Variants in PDE11A observed in about 807,000 individuals in gnomAD.
PDE11A encodes the protein phosphodiesterase 11A, also known as dual 3',5'-cyclic-AMP and -GMP phosphodiesterase 11A.
A neutral mutation model predicts 100.5 loss-of-function variants in PDE11A; 100 were observed. The observed-to-expected ratio is 1.00, with a 90% CI of 0.85 to 1.18. The LOEUF (loss-of-function observed/expected upper bound fraction) is 1.18. PDE11A is among the 50% of genes most tolerant of loss of function. The probability of loss-of-function intolerance (pLI) is 0.00; values close to 1 mark genes in which losing one functional copy is unlikely to be tolerated. For missense variants in PDE11A, 1,141 were observed against 1,152.6 expected (o/e 0.99, Z 0.15); for synonymous variants, 381 against 420.8 (o/e 0.91, Z 1.16).
At chr2:178,038,673 A>AT (rs1236217629) in intron 1 of PDE11A, among the ~76,000 whole-genome samples, 1 of 152,148 alleles carries the variant, frequency 6.6e-6, no homozygotes, top group East Asian at 1.9e-4. Context: ...GAACATTTGC[A>AT]TGGTCTATAC....
intron 1 of PDE11A, among the ~76,000 whole-genome samples, chr2:178,025,213 T>C (rs2086464007): frequency 6.6e-6 from 1 of 152,220 alleles, no homozygotes; most frequent in Admixed American, 6.5e-5. Flanking sequence ...AGCTTCACTC[T>C]TTTATGGACC....
chr2:177,877,608 A>T (rs1293783450), intron 4 of PDE11A, among the ~76,000 whole-genome samples: 1 of 152,164 alleles, frequency 6.6e-6, no homozygotes, highest in East Asian at 1.9e-4. Context: ...TCTGGTTAAT[A>T]AAATTTCAGG....
chr2:177,674,126 A>C (rs1047705552), intron 17 of PDE11A, among the ~76,000 whole-genome samples: 1 of 152,216 alleles, frequency 6.6e-6, no homozygotes, highest in African/African-American at 2.4e-5. Context: ...GCTAAGAATG[A>C]AAGCTTTGGA....
At chr2:177,908,994 C>T (rs995043434) in intron 2 of PDE11A, among the ~76,000 whole-genome samples, 2 of 152,050 alleles carry the variant, frequency 1.3e-5, no homozygotes, top group African/African-American at 4.8e-5. Flanking sequence ...CCACTGTGTC[C>T]GACAAAGCAC....
At chr2:178,068,587 A>C (rs901636919) in intron 1 of PDE11A, among the ~76,000 whole-genome samples, 1 of 152,198 alleles carries the variant, frequency 6.6e-6, no homozygotes, top group Non-Finnish European at 1.5e-5. Context: ...ACACCTTAAA[A>C]ATATAGTAGT....
At chr2:177,686,662 G>T (rs1357413847) in intron 15 of PDE11A, 1 of 148,496 alleles carries the variant, frequency 6.7e-6, no homozygotes, top group Admixed American at 6.7e-5. Flanking sequence ...AATAGCCAAA[G>T]AGATATTTTA....
intron 2 of PDE11A, among the ~76,000 whole-genome samples, chr2:178,089,188 A>C (rs901323575): frequency 2.0e-5 from 3 of 152,216 alleles, no homozygotes; most frequent in Non-Finnish European, 4.4e-5. Context: ...GGACAGTTAA[A>C]TGATCAGGGG....
chr2:178,105,738 T>C (rs2087610203), intron 1 of PDE11A: 1 of 1,128,006 alleles, frequency 8.9e-7, no homozygotes, highest in South Asian at 2.3e-5. Context: ...TGGCACCCAA[T>C]ATCACCTCAC....
At chr2:177,655,018 A>T (rs2080361219) in intron 19 of PDE11A, among the ~76,000 whole-genome samples, 2 of 152,240 alleles carry the variant, frequency 1.3e-5, no homozygotes, top group South Asian at 4.1e-4. Flanking sequence ...TAGCTTCATT[A>T]TTCCAAAGCA....
chr2:177,766,002 T>G (rs1250042018), intron 10 of PDE11A, among the ~76,000 whole-genome samples: 5 of 152,216 alleles, frequency 3.3e-5, no homozygotes, highest in Non-Finnish European at 7.3e-5. Context: ...TCCCAAACTC[T>G]GGCTTAAGCT....
intron 15 of PDE11A, chr2:177,683,410 T>C (rs1031753838): frequency 9.2e-5 from 14 of 152,290 alleles, no homozygotes; most frequent in African/African-American, 3.4e-4. Context: ...TCTTCTTCAC[T>C]TGACCCATTC....
intron 13 of PDE11A, among the ~76,000 whole-genome samples, chr2:177,703,238 C>T (rs73979531): frequency 0.098 from 14,849 of 151,974 alleles, 2,380 homozygotes; most frequent in African/African-American, 0.33. Context: ...ATCTACCATG[C>T]GGTAGTCTAT....
At chr2:177,998,703 T>C (rs1256006316) in intron 2 of PDE11A, 1 of 1,091,142 alleles carries the variant, frequency 9.2e-7, no homozygotes. Context: ...ATCTTTATGC[T>C]GGCCCACTCG....
At chr2:177,728,287 T>TA in intron 10 of PDE11A, 115 bp from the exon 11 acceptor site, 1 of 693,248 alleles carries the variant, frequency 1.4e-6, no homozygotes, top group Admixed American at 2.0e-5. Flanking sequence ...GACCTGCACT[T>TA]ACACCCTGAT....
rs192671761 is a variant in PDE11A, at chr2:177,729,846, T to C, written c.1789-1674A>G. 4.7e-5 allele frequency among the ~76,000 whole-genome samples: 7 copies of C among 149,676 alleles called. No individual in the cohort carries two copies. In the East Asian group the frequency reaches 1.4e-3, roughly 29 times the overall value. ...CCTAGGCACTTTGTAAGCCCTTTTC[T>C]TTTTTCCCCCTTTTTTTTTCCAGTG... On this transcript the variant is annotated intron_variant, in intron 10 of 19. Transcript: ENST00000286063.
intron 2 of PDE11A, among the ~76,000 whole-genome samples, chr2:177,978,903 A>C (rs1169357192): frequency 1.8e-5 from 2 of 111,010 alleles, no homozygotes; most frequent in African/African-American, 3.5e-5. Flanking sequence ...AGGAAGGGGA[A>C]TATCACACTC....
chr2:177,709,475 G>A (rs1031990996), intron 13 of PDE11A, among the ~76,000 whole-genome samples: 1 of 152,192 alleles, frequency 6.6e-6, no homozygotes, highest in Admixed American at 6.5e-5. Context: ...AAGAGGCATG[G>A]AGGGAAAGAC....
chr2:177,986,863 G>T (rs2085946732), intron 2 of PDE11A, among the ~76,000 whole-genome samples: 1 of 151,670 alleles, frequency 6.6e-6, no homozygotes, highest in Admixed American at 6.6e-5. Context: ...GATAATAATG[G>T]TATATATCTC....
intron 2 of PDE11A, among the ~76,000 whole-genome samples, chr2:177,980,702 C>T (rs1236157279): frequency 6.6e-6 from 1 of 150,536 alleles, no homozygotes; most frequent in Non-Finnish European, 1.5e-5. Context: ...TAAACTACAA[C>T]AATTTGGGTG....
Sources: allele counts gnomAD v4.1 joint callset (sites outside exome capture counted in the v4.1 genomes callset), GRCh38; gene constraint gnomAD v4.1.1; transcripts MANE v1.5; gene names NCBI Gene and HGNC (gene_info 2026-07-23, HGNC 2026-07-21).